The following MTHFD1L variants were observed in gnomAD, a reference collection of about 807,000 sequenced individuals.
MTHFD1L encodes the protein monofunctional C1-tetrahydrofolate synthase, mitochondrial.
In MTHFD1L, 81 loss-of-function variants were observed where a neutral mutation model predicts 119.5. The ratio of observed to expected loss-of-function variants is 0.68; its 90% CI spans 0.57 to 0.82. The LOEUF is 0.82. MTHFD1L is among the 40% of genes least tolerant of loss of function. The probability of loss-of-function intolerance (pLI) is 0.00; values close to 1 mark genes in which losing one functional copy is unlikely to be tolerated. For missense variants in MTHFD1L, 1,125 were observed against 1,253.4 expected, an observed-to-expected ratio of 0.90 and a Z score of 1.55; for synonymous variants, 430 against 475.2, an observed-to-expected ratio of 0.90 and a Z score of 1.24.
intron 4 of MTHFD1L, among the ~76,000 whole-genome samples, chr6:150,878,999 C>A (rs942353891): frequency 5.3e-5 from 8 of 152,160 alleles, no homozygotes; most frequent in African/African-American, 1.7e-4. Context: ...TACATCCATC[C>A]CGTTGTCCCC....
chr6:151,020,741 C>G (rs1783834347), intron 24 of MTHFD1L, among the ~76,000 whole-genome samples: 1 of 152,144 alleles, frequency 6.6e-6, no homozygotes, highest in African/African-American at 2.4e-5. Context: ...TTAAAAGTCC[C>G]CCTCAAGATC....
Position 151,089,852 on chromosome 6 carries a change from C to A in MTHFD1L, c.2848-2615C>A, listed in dbSNP as rs531318641. ...AAAATGTTACCTTCCTGCTGGGAAC[C>A]TTAACTTCCGAGGCTGTGATACCCA... On this transcript the variant is annotated intron_variant, in intron 26 of 27. Coordinates refer to ENST00000367321, the MANE Select transcript of MTHFD1L (RefSeq NM_015440.5). 1.1e-4 allele frequency among the ~76,000 whole-genome samples: 16 copies of A among 152,300 alleles called. No homozygotes were observed. The South Asian group carries it at 2.5e-3, about 24-fold the overall frequency.
intron 16 of MTHFD1L, among the ~76,000 whole-genome samples, chr6:150,949,632 A>C (rs1794564262): frequency 6.6e-6 from 1 of 152,078 alleles, no homozygotes; most frequent in South Asian, 2.1e-4. Flanking sequence ...GCATCGCTCC[A>C]CTGCTTCACA....
At chr6:150,872,371 C>T (rs1029518423) in intron 1 of MTHFD1L, among the ~76,000 whole-genome samples, 17 of 152,128 alleles carry the variant, frequency 1.1e-4, no homozygotes, top group African/African-American at 4.1e-4. Context: ...AGTGAGAGAC[C>T]TGCAACTCTT....
At chr6:150,999,137 T>G (rs1780254291) in intron 20 of MTHFD1L, among the ~76,000 whole-genome samples, 1 of 152,018 alleles carries the variant, frequency 6.6e-6, no homozygotes, top group African/African-American at 2.4e-5. Context: ...CTGAAAAAAT[T>G]TAAAAGCCAA....
chr6:150,919,078 G>A lies in MTHFD1L; in HGVS notation c.984+410G>A, dbSNP rs564178296. Among the ~76,000 whole-genome samples the A allele has an allele frequency of 5.3e-5, 8 of 151,502 alleles. No individual in the cohort carries two copies. In the East Asian group the frequency reaches 9.9e-4, roughly 19 times the overall value. On this transcript the variant is annotated intron_variant, in intron 9 of 27. Transcript: ENST00000367321. ...CTCAGGAGGCTAAAGCAGGAGGATC[G>A]CTTGAACCCAGGAGACAGAGGTTGT...
chr6:150,992,971 G>A (rs1321898619), intron 20 of MTHFD1L, among the ~76,000 whole-genome samples: 1 of 152,196 alleles, frequency 6.6e-6, no homozygotes, highest in Non-Finnish European at 1.5e-5. Context: ...GCACTGTGAT[G>A]CTCGGTTAAG....
rs559968652 is a variant in MTHFD1L, at chr6:150,942,095, C to A, written c.1441-2391C>A. Among the ~76,000 whole-genome samples the A allele has an allele frequency of 6.2e-4, 94 of 152,146 alleles. 1 individual carries two copies. The highest frequency in any genetic ancestry group is 2.2e-3 in the African/African-American group (91 of 41,526). ...CCAACATGGGGAAACCCTGTCTCTA[C>A]TAAAAATACAAAAAGTAGCTGGGCG... On this transcript the variant is annotated intron_variant, in intron 13 of 27. Transcript: ENST00000367321.
chr6:151,004,257 G>A (rs906180035), intron 20 of MTHFD1L, among the ~76,000 whole-genome samples: 17 of 151,974 alleles, frequency 1.1e-4, no homozygotes, highest in Non-Finnish European at 1.6e-4. Flanking sequence ...CGTGGGAGGC[G>A]GAGGTTGCAG....
At chr6:151,048,596 G>A (rs1788473346) in intron 26 of MTHFD1L, among the ~76,000 whole-genome samples, 2 of 152,274 alleles carry the variant, frequency 1.3e-5, no homozygotes, top group South Asian at 2.1e-4. Flanking sequence ...GTCTAGAAAA[G>A]TACATCTTTT....
intron 24 of MTHFD1L, among the ~76,000 whole-genome samples, chr6:151,020,671 A>G (rs1783825638): frequency 6.6e-6 from 1 of 152,222 alleles, no homozygotes; most frequent in Admixed American, 6.6e-5. Context: ...TAAACTTGAA[A>G]TACAGAGGAT....
chr6:151,060,463 TTAAATA>T (rs1301426380), intron 26 of MTHFD1L, among the ~76,000 whole-genome samples: 1 of 151,854 alleles, frequency 6.6e-6, no homozygotes, highest in African/African-American at 2.4e-5. Flanking sequence ...GGCACACAAG[TTAAATA>T]TAGAGACAGC....
At chr6:151,073,984 AAG>A (rs745855210) in intron 26 of MTHFD1L, among the ~76,000 whole-genome samples, 20 of 152,358 alleles carry the variant, frequency 1.3e-4, no homozygotes, top group Admixed American at 2.6e-4. Context: ...ACATTTTAAA[AAG>A]AGAGGATAAA....
chr6:150,947,050 G>T (rs1167490742), intron 15 of MTHFD1L, among the ~76,000 whole-genome samples: 1 of 148,646 alleles, frequency 6.7e-6, no homozygotes, highest in Non-Finnish European at 1.5e-5. Flanking sequence ...ACTCCAGCCT[G>T]GGCAACAGAG....
At chr6:150,939,653 C>CTCTCT (rs1411599790) in intron 13 of MTHFD1L, among the ~76,000 whole-genome samples, 1 of 150,054 alleles carries the variant, frequency 6.7e-6, no homozygotes, top group Admixed American at 6.7e-5. Context: ...CACCTGCCTT[C>CTCTCT]TCTCTACTGC....
intron 26 of MTHFD1L, among the ~76,000 whole-genome samples, chr6:151,041,259 A>T (rs1192844152): frequency 3.9e-5 from 6 of 152,202 alleles, no homozygotes; most frequent in Admixed American, 2.6e-4. Flanking sequence ...AGGGGCCAGG[A>T]TCTCCTAATA....
intron 25 of MTHFD1L, 131 bp from the exon 26 acceptor site, chr6:151,036,834 C>G (rs1044427664): frequency 2.3e-6 from 2 of 865,926 alleles, no homozygotes; most frequent in African/African-American, 3.4e-5. Context: ...CAAGTAGTAA[C>G]AAGCAGCTCC....
intron 27 of MTHFD1L, among the ~76,000 whole-genome samples, 200 bp downstream of exon 27, chr6:151,092,787 A>G (rs926330968): frequency 6.6e-6 from 1 of 152,120 alleles, no homozygotes; most frequent in African/African-American, 2.4e-5. Context: ...TCAGATGCTC[A>G]GTACACAACC....
At chr6:150,925,728 G>A (rs987878350) in intron 10 of MTHFD1L, among the ~76,000 whole-genome samples, 3 of 152,078 alleles carry the variant, frequency 2.0e-5, no homozygotes, top group South Asian at 2.1e-4. Context: ...CAGCCCGATC[G>A]GAGATTATTA....
Sources: gnomAD v4.1 joint callset for allele counts (sites outside exome capture counted in the v4.1 genomes callset) on GRCh38, gnomAD v4.1.1 for gene constraint, MANE v1.5 for transcripts, NCBI Gene and HGNC (gene_info 2026-07-23, HGNC 2026-07-21) for gene names.